GRK3: variants seen among roughly 807,000 people sequenced by gnomAD.
The protein encoded by GRK3 is adrenergic, beta, receptor kinase 2.
Under a neutral mutation model 95.7 loss-of-function variants are expected in GRK3, and 54 were observed. That is an observed-to-expected ratio of 0.56 (90% confidence interval 0.45 to 0.71). The LOEUF is 0.71. Ranked by LOEUF, GRK3 falls within the 30% of genes least tolerant of loss-of-function variation. The pLI is 0.00. For synonymous variants in GRK3, 281 were observed against 290.8 expected (o/e 0.97, Z 0.34); for missense variants, 649 against 851.2 (o/e 0.76, Z 2.96).
chr22:25,585,329 G>A (rs9624878), intron 1 of GRK3, among the ~76,000 whole-genome samples: 1,282 of 152,348 alleles, frequency 8.4e-3, no homozygotes, highest in Non-Finnish European at 0.013. Flanking sequence ...ATGTGAATCT[G>A]GTTGGCCATC....
chr22:25,700,783 C>T (rs1601536918), intron 13 of GRK3, among the ~76,000 whole-genome samples: 1 of 152,146 alleles, frequency 6.6e-6, no homozygotes, highest in Non-Finnish European at 1.5e-5. Flanking sequence ...AGACGGGTTT[C>T]ACCTTGTTAG....
At chr22:25,673,657 A>AATC (rs1270380892) in intron 7 of GRK3, among the ~76,000 whole-genome samples, 2 of 152,084 alleles carry the variant, frequency 1.3e-5, no homozygotes, top group African/African-American at 4.8e-5. Context: ...GCCCTTAAAG[A>AATC]ATCCCACCCT....
chr22:25,692,057 G>A (rs1045407327), intron 12 of GRK3, among the ~76,000 whole-genome samples: 1 of 151,980 alleles, frequency 6.6e-6, no homozygotes, highest in Non-Finnish European at 1.5e-5. Flanking sequence ...TCCCCCTCCC[G>A]GGCCCAAGTG....
In GRK3 at chr22:25,667,816, CAT is replaced by C. The variant is rs994225671; in HGVS notation, c.503+24_503+25del. ...TTATGGAAAGGTATGAAACTTTATG[CAT>C]ATATATACACAATTTTTTATCATGT... On this transcript the variant is annotated intron_variant, in intron 6 of 20. Coordinates refer to ENST00000324198, the MANE Select transcript of GRK3 (RefSeq NM_005160.4). 2 of 1,488,114 alleles carry C rather than the reference CAT, an allele frequency of 1.3e-6. No homozygotes were observed. Among genetic ancestry groups the C allele is most frequent in the Non-Finnish European group, 1.9e-6 (2 of 1,067,448 alleles). The allele number at this position is 1,488,114 out of a possible 1,614,324, so 92.2% of individuals were successfully genotyped here.
chr22:25,605,208 G>A (rs1387802902), intron 2 of GRK3, among the ~76,000 whole-genome samples: 2 of 152,230 alleles, frequency 1.3e-5, no homozygotes, highest in African/African-American at 4.8e-5. Context: ...GGGAAAAGGT[G>A]GACGGAGTGG....
intron 13 of GRK3, among the ~76,000 whole-genome samples, chr22:25,700,132 G>A (rs2085246673): frequency 6.6e-6 from 1 of 152,204 alleles, no homozygotes; most frequent in Non-Finnish European, 1.5e-5. Context: ...AAGGAGTCTG[G>A]ATGGGAGAAA....
intron 1 of GRK3, among the ~76,000 whole-genome samples, chr22:25,589,563 G>A (rs769874108): frequency 2.6e-5 from 4 of 152,100 alleles, no homozygotes; most frequent in Non-Finnish European, 5.9e-5. Flanking sequence ...TCTTATTTTG[G>A]TGAGGAGGAG....
At chr22:25,710,388 C>T (rs1027834439) in intron 16 of GRK3, among the ~76,000 whole-genome samples, 14 of 151,958 alleles carry the variant, frequency 9.2e-5, no homozygotes, top group Admixed American at 2.0e-4. Context: ...CTGCCATAAA[C>T]GTATGTATAT....
At chr22:25,595,416 C>A (rs145842438) in intron 1 of GRK3, among the ~76,000 whole-genome samples, 210 of 152,182 alleles carry the variant, frequency 1.4e-3, no homozygotes, top group African/African-American at 4.8e-3. Flanking sequence ...AGCTGCACAC[C>A]CACAAAATAC....
intron 2 of GRK3, among the ~76,000 whole-genome samples, chr22:25,607,569 A>T (rs1002689668): frequency 1.3e-5 from 2 of 151,864 alleles, no homozygotes; most frequent in Non-Finnish European, 2.9e-5. Context: ...GGTATCATTT[A>T]AAAAATTTTT....
intron 2 of GRK3, among the ~76,000 whole-genome samples, chr22:25,624,148 A>G (rs1601482828): frequency 6.6e-6 from 1 of 151,976 alleles, no homozygotes; most frequent in South Asian, 2.1e-4. Context: ...TTCAGCGTTC[A>G]TTGTGAACAT....
chr22:25,564,951 C>A lies in GRK3; in HGVS notation c.-90C>A. ...GGGGGGCTGCCCCGGGGCGGCCCCC[C>A]CAGGTCGGGGCGCGGCGGGCGGCGG... On this transcript the variant is annotated 5_prime_UTR_variant, in exon 1 of 21. Coordinates refer to ENST00000324198, the MANE Select transcript of GRK3 (RefSeq NM_005160.4). 3.8e-6 allele frequency: 1 copy of A among 265,656 alleles called. No individual in the cohort carries two copies. Among genetic ancestry groups the A allele is most frequent in the Non-Finnish European group, 6.1e-6 (1 of 165,144 alleles). The allele number at this position is 265,656 out of a possible 1,614,324, so 16.5% of individuals were successfully genotyped here.
chr22:25,578,997 T>C (rs1349549505), intron 1 of GRK3, among the ~76,000 whole-genome samples: 1 of 152,028 alleles, frequency 6.6e-6, no homozygotes, highest in Admixed American at 6.6e-5. Context: ...GAACACCTCA[T>C]TGATCACCAC....
At chr22:25,568,771 T>C (rs1264250483) in intron 1 of GRK3, among the ~76,000 whole-genome samples, 1 of 152,206 alleles carries the variant, frequency 6.6e-6, no homozygotes, top group Non-Finnish European at 1.5e-5. Flanking sequence ...ACAAATAGCG[T>C]TTGGATGACT....
intron 1 of GRK3, among the ~76,000 whole-genome samples, chr22:25,569,157 C>T (rs1396162022): frequency 2.0e-5 from 3 of 152,196 alleles, no homozygotes; most frequent in African/African-American, 7.2e-5. Flanking sequence ...GAAAAGTCCA[C>T]GTTGAAAGCA....
intron 2 of GRK3, among the ~76,000 whole-genome samples, chr22:25,607,739 GC>G (rs2084462751): frequency 6.7e-6 from 1 of 148,888 alleles, no homozygotes. Flanking sequence ...ACCATACCCA[GC>G]TAATTTTTTT....
chr22:25,611,364 G>A (rs2084495985), intron 2 of GRK3, among the ~76,000 whole-genome samples: 1 of 152,140 alleles, frequency 6.6e-6, no homozygotes. Flanking sequence ...GGGTTGTATG[G>A]CAAATTTGTG....
At chr22:25,680,778 T>A (rs2085067881) in intron 9 of GRK3, among the ~76,000 whole-genome samples, 1 of 152,200 alleles carries the variant, frequency 6.6e-6, no homozygotes, top group African/African-American at 2.4e-5. Flanking sequence ...TAAAGTTATT[T>A]GGAATTGTTT....
At chr22:25,661,446 G>A in intron 3 of GRK3, 130 bp from the exon 4 acceptor site, 1 of 522,234 alleles carries the variant, frequency 1.9e-6, no homozygotes, top group South Asian at 3.3e-5. Context: ...GCTGTTTCCT[G>A]TGGAATAGCC....
Sources: allele counts gnomAD v4.1 joint callset (sites outside exome capture counted in the v4.1 genomes callset), GRCh38; gene constraint gnomAD v4.1.1; transcripts MANE v1.5; gene names NCBI Gene and HGNC (gene_info 2026-07-23, HGNC 2026-07-21).